ADARB1: variants seen among roughly 807,000 people sequenced by gnomAD.
The protein encoded by ADARB1 is double-stranded RNA-specific editase 1.
In ADARB1, 10 loss-of-function variants were observed where a neutral mutation model predicts 52.4. The observed-to-expected ratio is 0.19, with a 90% CI of 0.12 to 0.32. The LOEUF (loss-of-function observed/expected upper bound fraction) is 0.32. Ranked by LOEUF, ADARB1 falls within the 10% of genes least tolerant of loss-of-function variation. The pLI, the probability that ADARB1 is intolerant of heterozygous loss-of-function variation, is 1.00. For missense variants in ADARB1, 643 were observed against 922.3 expected (o/e 0.70, Z 3.92); for synonymous variants, 349 against 371.1 (o/e 0.94, Z 0.68).
intron 1 of ADARB1, among the ~76,000 whole-genome samples, chr21:45,126,961 G>A (rs189524657): frequency 6.6e-6 from 1 of 152,322 alleles, no homozygotes; most frequent in East Asian, 1.9e-4. Flanking sequence ...GTAAATCTTG[G>A]TTTCATGTCC....
At chr21:45,134,326 G>A (rs1163695871) in intron 2 of ADARB1, among the ~76,000 whole-genome samples, 3 of 148,580 alleles carry the variant, frequency 2.0e-5, no homozygotes, top group Non-Finnish European at 3.0e-5. Flanking sequence ...CCCGCCGGGT[G>A]TGTGCCCGAC....
chr21:45,153,277 A>G (rs1013167952), intron 2 of ADARB1, among the ~76,000 whole-genome samples: 3 of 152,094 alleles, frequency 2.0e-5, no homozygotes, highest in Non-Finnish European at 2.9e-5. Context: ...AAAGTTGTCC[A>G]TGACTATACA....
chr21:45,114,462 G>C (rs2087719854), intron 1 of ADARB1, among the ~76,000 whole-genome samples: 1 of 152,198 alleles, frequency 6.6e-6, no homozygotes, highest in Non-Finnish European at 1.5e-5. Context: ...TAGCCTGTGT[G>C]GTGGATGCCA....
intron 8 of ADARB1, 119 bp downstream of exon 8, chr21:45,185,210 C>T: frequency 7.6e-7 from 1 of 1,313,582 alleles, no homozygotes; most frequent in East Asian, 2.4e-5. Context: ...CTCAGGTGTT[C>T]CACAGTATTC....
At chr21:45,150,260 C>G (rs1374556447) in intron 2 of ADARB1, among the ~76,000 whole-genome samples, 1 of 152,080 alleles carries the variant, frequency 6.6e-6, no homozygotes, top group Admixed American at 6.5e-5. Context: ...GGCAACAGAG[C>G]AAAACTCTGT....
chr21:45,126,174 G>C (rs1024157664), intron 1 of ADARB1, among the ~76,000 whole-genome samples: 5 of 152,194 alleles, frequency 3.3e-5, no homozygotes, highest in Non-Finnish European at 5.9e-5. Context: ...ACGATCAGAG[G>C]ATGAGCTCTG....
chr21:45,123,297 AAT>A (rs527585466), intron 1 of ADARB1, among the ~76,000 whole-genome samples: 9,782 of 149,632 alleles, frequency 0.065, 363 homozygotes, highest in East Asian at 0.15. Context: ...GTGTGTGTAT[AAT>A]TAATTATAAT....
At chr21:45,109,560 C>T (rs1166475789) in intron 1 of ADARB1, among the ~76,000 whole-genome samples, 3 of 152,234 alleles carry the variant, frequency 2.0e-5, no homozygotes. Context: ...TGTCAGCGCA[C>T]GGGGCTCTGC....
At chr21:45,132,619 T>C (rs1412959290) in intron 2 of ADARB1, among the ~76,000 whole-genome samples, 7 of 152,076 alleles carry the variant, frequency 4.6e-5, no homozygotes, top group Non-Finnish European at 1.5e-5. Context: ...TGGGTGGGCT[T>C]AGGGGATGTG....
intron 1 of ADARB1, among the ~76,000 whole-genome samples, chr21:45,076,963 CAG>C (rs2085962845): frequency 6.6e-6 from 1 of 152,200 alleles, no homozygotes; most frequent in Non-Finnish European, 1.5e-5. Context: ...AGCAAGCACA[CAG>C]TACCTACAGA....
intron 2 of ADARB1, among the ~76,000 whole-genome samples, chr21:45,150,419 TAA>T (rs1367579374): frequency 1.3e-5 from 2 of 152,220 alleles, no homozygotes; most frequent in African/African-American, 4.8e-5. Context: ...TCTAAATTAT[TAA>T]GTTATAAGAT....
In ADARB1 at chr21:45,095,295, C is replaced by T. The variant is rs1047044391; in HGVS notation, c.-220+20502C>T. 9.3e-4 allele frequency among the ~76,000 whole-genome samples: 142 copies of T among 152,372 alleles called. 1 individual carries two copies. The highest frequency in any genetic ancestry group is 3.1e-3 in the African/African-American group (131 of 41,588). On this transcript the variant is annotated intron_variant, in intron 1 of 10. Coordinates refer to ENST00000348831, the MANE Select transcript of ADARB1 (RefSeq NM_001112.4). ...CCTGCTTGCTCTGCGTGTGATGCTC[C>T]GGCCTTTGCCGTGAGCTCTGACACA...
At chr21:45,133,627 C>T (rs546830378) in intron 2 of ADARB1, 3 of 252,718 alleles carry the variant, frequency 1.2e-5, no homozygotes, top group South Asian at 7.7e-5. Flanking sequence ...TAACACTGCA[C>T]TGACTGAGAA....
chr21:45,171,750 C>T, intron 3 of ADARB1, 66 bp downstream of exon 3: 1 of 1,459,460 alleles, frequency 6.9e-7, no homozygotes, highest in Non-Finnish European at 9.4e-7. Flanking sequence ...GGTGTTTTTG[C>T]AAATGTATTT....
At chr21:45,081,041 T>A (rs1222179509) in intron 1 of ADARB1, among the ~76,000 whole-genome samples, 1 of 151,936 alleles carries the variant, frequency 6.6e-6, no homozygotes, top group East Asian at 1.9e-4. Flanking sequence ...GTTCAGCCAA[T>A]GCGATGAAAT....
intron 1 of ADARB1, among the ~76,000 whole-genome samples, chr21:45,077,349 C>CA (rs2085979058): frequency 1.3e-5 from 2 of 152,178 alleles, no homozygotes; most frequent in African/African-American, 4.8e-5. Context: ...CCAAAAAGCT[C>CA]AGAGAGGTCC....
In ADARB1 at chr21:45,200,101, G is replaced by A. The variant is rs969699323; in HGVS notation, c.1566-4454G>A. Among the ~76,000 whole-genome samples the A allele has an allele frequency of 1.3e-5, 2 of 152,226 alleles. No individual in the cohort carries two copies. The highest frequency in any genetic ancestry group is 2.9e-5 in the Non-Finnish European group (2 of 68,034). On this transcript the variant is annotated intron_variant, in intron 8 of 10. Transcript: ENST00000348831. The surrounding 1 kb of genome is among the most constrained non-coding windows in gnomAD (Gnocchi z 5.0). ...GGCTGCAGCTGTGTCCCTGCTCTGGGAGAGTTGAGAGTGGGGAGCAGCCAC... is the reference window on the plus strand; with the variant it reads ...GGCTGCAGCTGTGTCCCTGCTCTGGAAGAGTTGAGAGTGGGGAGCAGCCAC...
intron 2 of ADARB1, among the ~76,000 whole-genome samples, chr21:45,149,092 A>G (rs2090152869): frequency 6.6e-6 from 1 of 152,160 alleles, no homozygotes; most frequent in African/African-American, 2.4e-5. Context: ...TGACACCCGC[A>G]TGTTCCTGGG....
Position 45,222,934 on chromosome 21 carries a change from T to C in ADARB1, c.*737T>C. The C allele has an allele frequency of 1.0e-6, 1 of 985,478 alleles. No individual in the cohort carries two copies. Among genetic ancestry groups the C allele is most frequent in the Non-Finnish European group, 1.2e-6 (1 of 829,948 alleles). The allele number at this position is 985,478 out of a possible 1,614,324, so 61.0% of individuals were successfully genotyped here. A position where few individuals can be genotyped will look rare whatever the true frequency, so the allele number is the denominator to read the frequency against. ...TAGCCCTCAGCCTCCTCTAGAAGCT[T>C]CTGTACTCCTTGTAGGATCAGATCA... On this transcript the variant is annotated 3_prime_UTR_variant, in exon 11 of 11. Transcript: ENST00000348831.
Sources: gnomAD v4.1 joint callset for allele counts (sites outside exome capture counted in the v4.1 genomes callset) on GRCh38, gnomAD v4.1.1 for gene constraint, Gnocchi (gnomAD v3.1) non-coding constraint, MANE v1.5 for transcripts, NCBI Gene and HGNC (gene_info 2026-07-23, HGNC 2026-07-21) for gene names.